KAZN: variants seen among roughly 807,000 people sequenced by gnomAD.
KAZN encodes the protein kazrin.
A neutral mutation model predicts 87.4 loss-of-function variants in KAZN; 40 were observed. That is an observed-to-expected ratio of 0.46 (90% CI 0.36 to 0.60). The LOEUF (loss-of-function observed/expected upper bound fraction) is 0.60. Among genes scored for constraint, KAZN ranks in the 20% least tolerant of loss-of-function variants. KAZN has a pLI of 0.00. For missense variants in KAZN, 898 were observed against 1,073.9 expected, an observed-to-expected ratio of 0.84 and a Z score of 2.29; for synonymous variants, 466 against 458.3, an observed-to-expected ratio of 1.02 and a Z score of -0.22.
At chr1:14,652,188 G>A (rs1220875721) in intron 1 of KAZN, among the ~76,000 whole-genome samples, 1 of 152,094 alleles carries the variant, frequency 6.6e-6, no homozygotes, top group African/African-American at 2.4e-5. Context: ...ACTTAGCCCA[G>A]GCATGTAATT....
chr1:14,396,039 G>A (rs1019932312), intron 2 of KAZN, among the ~76,000 whole-genome samples: 5 of 151,568 alleles, frequency 3.3e-5, no homozygotes, highest in South Asian at 2.1e-4. Flanking sequence ...ATAGTGGCGC[G>A]CCCCTGTAAT....
At chr1:15,053,345 G>A (rs1440482739) in intron 4 of KAZN, among the ~76,000 whole-genome samples, 5 of 152,146 alleles carry the variant, frequency 3.3e-5, no homozygotes, top group African/African-American at 1.2e-4. Context: ...ACAGAGGCTC[G>A]AGACACACCC....
At chr1:14,550,974 T>C (rs1673481140) in intron 2 of KAZN, among the ~76,000 whole-genome samples, 1 of 151,748 alleles carries the variant, frequency 6.6e-6, no homozygotes, top group Admixed American at 6.6e-5. Flanking sequence ...TCTCCTCCCC[T>C]ATCCCGGCTA....
intron 1 of KAZN, among the ~76,000 whole-genome samples, chr1:14,733,491 C>A (rs1643773757): frequency 6.6e-6 from 1 of 152,134 alleles, no homozygotes; most frequent in Non-Finnish European, 1.5e-5. Flanking sequence ...AGTGCAGCCT[C>A]GTGCCGTAGG....
rs4662131 is a variant in KAZN at position 14,173,552 on chromosome 1, A to C, written c.92-6883A>C. 3.1e-3 allele frequency among the ~76,000 whole-genome samples: 478 copies of C among 152,160 alleles called. 2 individuals carry two copies. The highest frequency in any genetic ancestry group is 5.1e-3 in the Non-Finnish European group (348 of 68,014). On this transcript the variant is annotated intron_variant, in intron 1 of 16. Coordinates refer to the KAZN transcript ENST00000636203. ...ACAGCCAAGCAGATTGAATCCCAGG[A>C]CTATCCGCCGGAACTATTGAGAAAG...
At chr1:14,331,161 G>A (rs536570693) in intron 2 of KAZN, among the ~76,000 whole-genome samples, 1 of 152,288 alleles carries the variant, frequency 6.6e-6, no homozygotes, top group East Asian at 1.9e-4. Flanking sequence ...TACCTCTGCT[G>A]TGGAAGTGGT....
In KAZN at chr1:15,065,598, C is replaced by G. The variant is rs12071695; in HGVS notation, c.1099-32C>G. On this transcript the variant is annotated intron_variant, in intron 7 of 14. Coordinates refer to ENST00000376030, the MANE Select transcript of KAZN (RefSeq NM_201628.3). ...TAAGCTTGGCTTTCTTCTTCTCCCC[C>G]ACCCTCTTCCACGTGGCTCCTGACT... 39,573 of 1,569,168 alleles carry G rather than the reference C, an allele frequency of 0.025. 3,878 individuals are homozygous for G. The African/African-American group carries it at 0.3, about 12-fold the overall frequency.
At chr1:14,251,286 G>A (rs1650007374) in intron 2 of KAZN, among the ~76,000 whole-genome samples, 1 of 152,156 alleles carries the variant, frequency 6.6e-6, no homozygotes, top group Non-Finnish European at 1.5e-5. Flanking sequence ...AAGATGATAA[G>A]GTTGATTGAG....
chr1:15,000,513 G>C (rs969365947), intron 2 of KAZN, among the ~76,000 whole-genome samples: 1 of 151,712 alleles, frequency 6.6e-6, no homozygotes, highest in African/African-American at 2.4e-5. Context: ...GGCACCTCGG[G>C]GGGTACAGAG....
At chr1:14,369,764 C>G (rs1159909389) in intron 2 of KAZN, among the ~76,000 whole-genome samples, 1 of 152,168 alleles carries the variant, frequency 6.6e-6, no homozygotes, top group Non-Finnish European at 1.5e-5. Context: ...CCCAACGTCC[C>G]CATGCACCTG....
chr1:14,501,270 C>T (rs1208598028), intron 2 of KAZN, among the ~76,000 whole-genome samples: 1 of 151,982 alleles, frequency 6.6e-6, no homozygotes, highest in Non-Finnish European at 1.5e-5. Flanking sequence ...CTAGCCAGCG[C>T]AATTAAGCAA....
At chr1:14,317,890 C>T (rs1371193096) in intron 2 of KAZN, among the ~76,000 whole-genome samples, 1 of 151,904 alleles carries the variant, frequency 6.6e-6, no homozygotes, top group Non-Finnish European at 1.5e-5. Flanking sequence ...AGTTATTGCA[C>T]TTTATTTTTT....
At chr1:14,158,057 T>C (rs1237395190) in intron 1 of KAZN, among the ~76,000 whole-genome samples, 2 of 152,202 alleles carry the variant, frequency 1.3e-5, no homozygotes, top group Non-Finnish European at 1.5e-5. Context: ...GATGGGGACA[T>C]AGAGCCAAAC....
Position 15,103,379 on chromosome 1 carries a change from C to T in KAZN, c.1800C>T (p.Ala600=). ...ACAAGGCCCTCCAGGAGCGCCGGGC[C>T]CGCTGCGAGACGCAGAACATTGACC... ...FSREALQERR[A]RCETQNIDPV... is the part of the protein sequence containing the mutation. Residue 600 remains alanine (A), a synonymous_variant, in exon 12 of 15, where the codon GCC becomes GCT. Transcript: ENST00000376030. 1 of 1,551,802 alleles carries T rather than the reference C, an allele frequency of 6.4e-7. No homozygotes were observed. The highest frequency in any genetic ancestry group is 8.7e-7 in the Non-Finnish European group (1 of 1,147,084).
chr1:14,104,497 G>A (rs749564749), intron 1 of KAZN, among the ~76,000 whole-genome samples: 2 of 152,176 alleles, frequency 1.3e-5, no homozygotes, highest in South Asian at 4.1e-4. Context: ...CAGAGCCAGG[G>A]AGCTGAAAAA....
intron 1 of KAZN, among the ~76,000 whole-genome samples, chr1:14,620,166 C>T (rs1362614945): frequency 1.3e-5 from 2 of 152,148 alleles, no homozygotes; most frequent in Non-Finnish European, 2.9e-5. Flanking sequence ...ATAGTCTCTA[C>T]AAAAGTATAC....
intron 1 of KAZN, among the ~76,000 whole-genome samples, chr1:14,893,479 C>A (rs1293110433): frequency 6.6e-6 from 1 of 152,188 alleles, no homozygotes; most frequent in Non-Finnish European, 1.5e-5. Flanking sequence ...CTCCAGGGAG[C>A]AAAGCCCTTG....
intron 2 of KAZN, among the ~76,000 whole-genome samples, chr1:14,574,127 G>C (rs2148550226): frequency 6.6e-6 from 1 of 152,220 alleles, no homozygotes; most frequent in African/African-American, 2.4e-5. Context: ...TTCTTGCTTG[G>C]AAAAATAAAA....
intron 1 of KAZN, among the ~76,000 whole-genome samples, chr1:14,079,233 G>T (rs1643581281): frequency 6.6e-6 from 1 of 152,250 alleles, no homozygotes; most frequent in South Asian, 2.1e-4. Flanking sequence ...GAGCAGGGAG[G>T]TGCCAGGCTC....
Sources: gnomAD v4.1 joint callset for allele counts (sites outside exome capture counted in the v4.1 genomes callset) on GRCh38, gnomAD v4.1.1 for gene constraint, MANE v1.5 for transcripts, NCBI Gene and HGNC (gene_info 2026-07-23, HGNC 2026-07-21) for gene names.